ZIC4: variants seen among roughly 807,000 people sequenced by gnomAD.
ZIC4 encodes the protein Zic family zinc finger 4, also known as zinc finger protein ZIC 4.
A neutral mutation model predicts 28.8 loss-of-function variants in ZIC4; 15 were observed. The ratio of observed to expected loss-of-function variants is 0.52; its 90% confidence interval spans 0.35 to 0.80. ZIC4 has a LOEUF of 0.80. Among genes scored for constraint, ZIC4 ranks in the 30% least tolerant of loss-of-function variants. ZIC4 has a pLI of 0.01. For missense variants in ZIC4, 512 were observed against 467.1 expected, an observed-to-expected ratio of 1.10 and a Z score of -0.89; for synonymous variants, 220 against 198.1, an observed-to-expected ratio of 1.11 and a Z score of -0.93.
At chr3:147,404,752 G>A (rs962762705) in intron 1 of ZIC4, among the ~76,000 whole-genome samples, 1 of 152,176 alleles carries the variant, frequency 6.6e-6, no homozygotes, top group Non-Finnish European at 1.5e-5. Flanking sequence ...GTGGGACAGT[G>A]GGTAGGTGCA....
chr3:147,394,424 A>G (rs2086993692), intron 3 of ZIC4, among the ~76,000 whole-genome samples: 1 of 151,436 alleles, frequency 6.6e-6, no homozygotes, highest in African/African-American at 2.4e-5. Flanking sequence ...GCTTCACAGA[A>G]TTCAAACAGT....
chr3:147,399,694 C>T (rs1447679639), intron 2 of ZIC4, among the ~76,000 whole-genome samples: 1 of 133,530 alleles, frequency 7.5e-6, no homozygotes, highest in African/African-American at 2.8e-5. Flanking sequence ...GAGAGGGAGT[C>T]TCCCTCTGTC....
intron 1 of ZIC4, chr3:147,403,949 G>A (rs1449765898): frequency 1.3e-6 from 2 of 1,533,296 alleles, no homozygotes; most frequent in East Asian, 2.4e-5. Flanking sequence ...CTAGGAGGCA[G>A]GGGGGTAGAC....
intron 1 of ZIC4, chr3:147,403,496 C>T (rs1354362573): frequency 6.5e-6 from 1 of 153,784 alleles, no homozygotes; most frequent in Non-Finnish European, 1.4e-5. Flanking sequence ...AATAACACCT[C>T]CCATAAGATA....
intron 3 of ZIC4, chr3:147,391,836 TG>T: frequency 2.5e-6 from 1 of 400,604 alleles, no homozygotes; most frequent in Non-Finnish European, 3.4e-6. Flanking sequence ...GTGCATAAAG[TG>T]GATTCGTGCT....
At chr3:147,393,996 A>G in intron 3 of ZIC4, 3 of 455,366 alleles carry the variant, frequency 6.6e-6, no homozygotes, top group Non-Finnish European at 1.3e-5. Context: ...CGCTTCTGCT[A>G]CTCGAGGAAA....
intron 3 of ZIC4, among the ~76,000 whole-genome samples, chr3:147,394,550 C>A (rs1021145880): frequency 6.6e-6 from 1 of 151,994 alleles, no homozygotes; most frequent in Non-Finnish European, 1.5e-5. Flanking sequence ...TCCGGGTGTC[C>A]GCCGCCAGCT....
At position 147,396,520 on chromosome 3, in the gene ZIC4, G is replaced by A; in HGVS notation, c.71-51C>T. ...TGAGAACGGGTGGCGTGGGCTGCGC[G>A]CTCTTCCCTGGGCCCCGGGGGGCAG... On this transcript the variant is annotated intron_variant, in intron 2 of 4. Coordinates refer to ENST00000383075, the MANE Select transcript of ZIC4 (RefSeq NM_032153.6). The surrounding 1 kb of genome is among the most constrained non-coding windows in gnomAD (Gnocchi z 4.2). The A allele has an allele frequency of 1.3e-6, 2 of 1,487,214 alleles. No individual in the cohort carries two copies. The highest frequency in any genetic ancestry group is 1.8e-6 in the Non-Finnish European group (2 of 1,127,546). The allele number at this position is 1,487,214 out of a possible 1,614,324, so 92.1% of individuals were successfully genotyped here.
intron 1 of ZIC4, chr3:147,403,842 ATCTCTC>A: frequency 4.4e-6 from 4 of 915,368 alleles, no homozygotes; most frequent in Non-Finnish European, 6.3e-6. Flanking sequence ...ATGCACAAAG[ATCTCTC>A]TCTCTCTCTC....
At chr3:147,403,842 A>C (rs2087218434) in intron 1 of ZIC4, 5 of 915,412 alleles carry the variant, frequency 5.5e-6, no homozygotes, top group South Asian at 1.9e-5. Context: ...ATGCACAAAG[A>C]TCTCTCTCTC....
intron 3 of ZIC4, chr3:147,393,863 GT>G (rs961260722): frequency 8.1e-5 from 37 of 456,594 alleles, no homozygotes; most frequent in Non-Finnish European, 1.4e-4. Context: ...AGGCACCATT[GT>G]TCCGGGATCG....
At chr3:147,393,999 C>T in intron 3 of ZIC4, 2 of 455,282 alleles carry the variant, frequency 4.4e-6, no homozygotes, top group East Asian at 7.0e-5. Flanking sequence ...TTCTGCTACT[C>T]GAGGAAATGA....
rs1380621931 is a variant in ZIC4 at position 147,388,848 on chromosome 3, C to A, written c.*11G>T. The A allele has an allele frequency of 5.1e-6, 4 of 780,104 alleles. No homozygotes were observed. In the East Asian group the frequency reaches 9.7e-5, roughly 19 times the overall value. 48.3% of individuals were successfully genotyped at this position (780,104 alleles called of 1,614,324 possible). On this transcript the variant is annotated 3_prime_UTR_variant, in exon 5 of 5. Transcript: ENST00000383075. ...CGGAGCGAGATTACCTTGCGAGCAA[C>A]GCGGTGGACATCTGTAACAAGCAAA...
intron 1 of ZIC4, chr3:147,405,568 C>T: frequency 3.8e-6 from 5 of 1,310,056 alleles, no homozygotes; most frequent in Non-Finnish European, 5.3e-6. Context: ...TTCCAATGCC[C>T]CTGGGTCTAG....
At chr3:147,395,747 C>T in intron 3 of ZIC4, 105 bp downstream of exon 3, 2 of 1,502,760 alleles carry the variant, frequency 1.3e-6, no homozygotes, top group Admixed American at 2.2e-5. Context: ...TGGAAACAAC[C>T]CCAAAATATT....
At chr3:147,394,143 A>C (rs866048477) in intron 3 of ZIC4, among the ~76,000 whole-genome samples, 4 of 112,670 alleles carry the variant, frequency 3.6e-5, no homozygotes, top group South Asian at 3.0e-4. Flanking sequence ...TCTCTCTCTC[A>C]CTCTCTCTCT....
intron 1 of ZIC4, chr3:147,403,859 T>TCC (rs2087218691): frequency 9.4e-7 from 1 of 1,061,046 alleles, no homozygotes; most frequent in Non-Finnish European, 1.3e-6. Flanking sequence ...TCTCTCTCTC[T>TCC]CCCCCTCAAC....
chr3:147,392,434 T>C, intron 3 of ZIC4: 11 of 985,404 alleles, frequency 1.1e-5, no homozygotes, highest in Non-Finnish European at 1.3e-5. Flanking sequence ...GCCAGCTGAA[T>C]TCGCTGACGT....
At position 147,390,932 on chromosome 3, in the gene ZIC4, A is replaced by C; in HGVS notation, c.1003T>G (p.Ter335GlyextTer15). Residue 335 changes from the stop codon to glycine, a stop_lost and splice_region_variant, in exon 4 of 5, where the codon TGA becomes GGA. Coordinates refer to ENST00000383075, the MANE Select transcript of ZIC4 (RefSeq NM_032153.6). ...VAARTADLSE[*>G] ...GGGCCCAAGCCCTGACACACGTACC[A>C]TTCGCTCAAGTCGGCGGTACGCGCC... 6.2e-7 allele frequency: 1 copy of C among 1,607,954 alleles called. No individual in the cohort carries two copies. Among genetic ancestry groups the C allele is most frequent in the East Asian group, 2.2e-5 (1 of 44,778 alleles).
Sources: gnomAD v4.1 joint callset for allele counts (sites outside exome capture counted in the v4.1 genomes callset) on GRCh38, gnomAD v4.1.1 for gene constraint, Gnocchi (gnomAD v3.1) non-coding constraint, MANE v1.5 for transcripts, NCBI Gene and HGNC (gene_info 2026-07-23, HGNC 2026-07-21) for gene names.